Variants in KSR2 observed in about 807,000 individuals in gnomAD.
KSR2 encodes the protein kinase suppressor of ras 2.
A neutral mutation model predicts 107.8 loss-of-function variants in KSR2; 25 were observed. The observed-to-expected ratio is 0.23, with a 90% CI of 0.17 to 0.32. KSR2 has a LOEUF of 0.32. Ranked by LOEUF, KSR2 falls within the 10% of genes least tolerant of loss-of-function variation. The probability of loss-of-function intolerance (pLI) is 1.00; values close to 1 mark genes in which losing one functional copy is unlikely to be tolerated. For missense variants in KSR2, 887 were observed against 1,268.9 expected, an observed-to-expected ratio of 0.70 and a Z score of 4.57; for synonymous variants, 480 against 507.0, an observed-to-expected ratio of 0.95 and a Z score of 0.71.
chr12:117,766,739 T>G, intron 3 of KSR2, among the ~76,000 whole-genome samples: 1 of 151,332 alleles, frequency 6.6e-6, no homozygotes, highest in African/African-American at 2.4e-5. Context: ...TGAACAAGAG[T>G]TCCCAGGAAA....
chr12:117,769,233 T>G lies in KSR2; in HGVS notation c.473-7709A>C, dbSNP rs1889351388. On this transcript the variant is annotated intron_variant, in intron 3 of 19. Transcript: ENST00000339824. ...AATCTCATCTTAGTGGGTTTTTTTT[T>G]TCTACAAAGACATGATTATTTCATC... Among the ~76,000 whole-genome samples the G allele has an allele frequency of 1.3e-5, 2 of 152,160 alleles. 1 individual carries two copies. Among genetic ancestry groups the G allele is most frequent in the South Asian group, 4.1e-4 (2 of 4,832 alleles).
intron 3 of KSR2, among the ~76,000 whole-genome samples, chr12:117,829,282 C>A (rs12231482): frequency 0.072 from 11,036 of 152,246 alleles, 1,226 homozygotes; most frequent in African/African-American, 0.23. Context: ...CATGTTCCCC[C>A]AACCAATTGG....
intron 1 of KSR2, among the ~76,000 whole-genome samples, chr12:117,875,331 C>CTTTTT (rs1213176610): frequency 2.9e-5 from 3 of 103,856 alleles, no homozygotes; most frequent in Admixed American, 1.1e-4. Context: ...CCCTTAGGTG[C>CTTTTT]TATTTTTTTT....
intron 1 of KSR2, among the ~76,000 whole-genome samples, chr12:117,961,649 T>TC (rs1458649917): frequency 6.6e-6 from 1 of 152,118 alleles, no homozygotes; most frequent in Non-Finnish European, 1.5e-5. Context: ...AGCTTTCCTA[T>TC]CCTCCTCCCT....
intron 3 of KSR2, among the ~76,000 whole-genome samples, chr12:117,794,499 C>T (rs1057272198): frequency 8.8e-4 from 107 of 121,496 alleles, no homozygotes; most frequent in Non-Finnish European, 1.5e-3. Flanking sequence ...CACCAACATG[C>T]ACACACAACA....
intron 8 of KSR2, among the ~76,000 whole-genome samples, chr12:117,556,169 T>C (rs1355959541): frequency 1.4e-5 from 2 of 148,044 alleles, no homozygotes; most frequent in African/African-American, 5.0e-5. Context: ...TCGCTCTGTA[T>C]GTACAGACAC....
chr12:117,574,403 A>C (rs1662868065), intron 7 of KSR2, among the ~76,000 whole-genome samples: 2 of 152,158 alleles, frequency 1.3e-5, no homozygotes, highest in South Asian at 4.1e-4. Flanking sequence ...GAGACTGGGT[A>C]ATTTATAAAG....
chr12:117,588,332 C>G (rs1404769154), intron 5 of KSR2, among the ~76,000 whole-genome samples: 1 of 152,076 alleles, frequency 6.6e-6, no homozygotes, highest in South Asian at 2.1e-4. Flanking sequence ...CAAACCCAAG[C>G]AGGGGAGGAT....
At chr12:117,701,576 G>A (rs1288811738) in intron 4 of KSR2, among the ~76,000 whole-genome samples, 1 of 152,136 alleles carries the variant, frequency 6.6e-6, no homozygotes, top group Non-Finnish European at 1.5e-5. Context: ...TGCCTTATTT[G>A]GGGCAAAAGG....
intron 17 of KSR2, among the ~76,000 whole-genome samples, chr12:117,474,092 G>T (rs1266070495): frequency 6.6e-6 from 1 of 152,090 alleles, no homozygotes; most frequent in Admixed American, 6.5e-5. Flanking sequence ...CGGGTCCTTC[G>T]GAATTCAGCA....
intron 5 of KSR2, among the ~76,000 whole-genome samples, chr12:117,588,315 G>A (rs1466879771): frequency 6.6e-6 from 1 of 152,192 alleles, no homozygotes; most frequent in African/African-American, 2.4e-5. Context: ...CATGGGATTT[G>A]CATTCCCAAA....
intron 4 of KSR2, among the ~76,000 whole-genome samples, chr12:117,682,268 C>G (rs192200034): frequency 3.2e-4 from 49 of 151,630 alleles, no homozygotes; most frequent in Middle Eastern, 3.4e-3. Context: ...GGGCCTATTG[C>G]GGGGGCGGGG....
rs139160274 is a variant in KSR2, at chr12:117,568,560, G to A, written c.1326-9987C>T. On this transcript the variant is annotated intron_variant, in intron 7 of 19. Transcript: ENST00000339824. ...TCCACACACCGTGACACTTCGAGCC[G>A]GCTGTTTACTTCTGAAGGCCTCTGT... Among the ~76,000 whole-genome samples, 381 of 152,208 alleles carry A rather than the reference G, an allele frequency of 2.5e-3. 4 individuals are homozygous for A. Among genetic ancestry groups the A allele is most frequent in the African/African-American group, 9.0e-3 (375 of 41,544 alleles).
intron 16 of KSR2, among the ~76,000 whole-genome samples, chr12:117,480,470 A>T (rs1872111309): frequency 6.6e-6 from 1 of 152,160 alleles, no homozygotes; most frequent in Non-Finnish European, 1.5e-5. Flanking sequence ...GGAGGCTGGC[A>T]TGACAGCACT....
intron 3 of KSR2, among the ~76,000 whole-genome samples, chr12:117,838,098 C>G (rs1892310115): frequency 6.6e-6 from 1 of 152,208 alleles, no homozygotes; most frequent in Admixed American, 6.5e-5. Flanking sequence ...AGATGTGGTC[C>G]CCACTCCCCA....
chr12:117,598,052 A>C (rs1413730650), intron 5 of KSR2, among the ~76,000 whole-genome samples: 1 of 152,108 alleles, frequency 6.6e-6, no homozygotes, highest in African/African-American at 2.4e-5. Context: ...TAAGTTCTTT[A>C]ATGGTGATTT....
At chr12:117,535,002 A>G (rs75022888) in intron 10 of KSR2, among the ~76,000 whole-genome samples, 235 of 152,302 alleles carry the variant, frequency 1.5e-3, no homozygotes, top group African/African-American at 5.5e-3. Flanking sequence ...CTCTAGAACC[A>G]TAAGATAATA....
rs577902114 is a variant in KSR2, at chr12:117,458,933, C to A, written c.*8266G>T. ...ACTGAACAGCAGAAATTTTACAAACCTCCTCAAGAAAGAAAAGCCCTTGCA... is the reference window on the plus strand; with the variant it reads ...ACTGAACAGCAGAAATTTTACAAACATCCTCAAGAAAGAAAAGCCCTTGCA... On this transcript the variant is annotated 3_prime_UTR_variant, in exon 20 of 20. Coordinates refer to ENST00000339824, the MANE Select transcript of KSR2 (RefSeq NM_173598.6). 3 of 152,294 alleles carry A rather than the reference C, an allele frequency of 2.0e-5. No individual in the cohort carries two copies. Among genetic ancestry groups the A allele is most frequent in the Non-Finnish European group, 2.9e-5 (2 of 68,110 alleles). 9.4% of individuals were successfully genotyped at this position (152,294 alleles called of 1,614,324 possible).
intron 1 of KSR2, among the ~76,000 whole-genome samples, chr12:117,864,441 G>A (rs1045006982): frequency 6.6e-6 from 1 of 152,074 alleles, no homozygotes; most frequent in African/African-American, 2.4e-5. Flanking sequence ...TACATGCATT[G>A]CGCACACACA....
Sources: gnomAD v4.1 joint callset for allele counts (sites outside exome capture counted in the v4.1 genomes callset) on GRCh38, gnomAD v4.1.1 for gene constraint, MANE v1.5 for transcripts, NCBI Gene and HGNC (gene_info 2026-07-23, HGNC 2026-07-21) for gene names.